TPPP: variants seen among roughly 807,000 people sequenced by gnomAD.
TPPP encodes tubulin polymerization-promoting protein.
Under a neutral mutation model 15.5 loss-of-function variants are expected in TPPP, and 6 were observed. The observed-to-expected ratio is 0.39, with a 90% confidence interval of 0.21 to 0.77. The LOEUF (loss-of-function observed/expected upper bound fraction) is 0.77. Among genes scored for constraint, TPPP ranks in the 30% least tolerant of loss-of-function variants. The probability of loss-of-function intolerance (pLI) is 0.42; values close to 1 mark genes in which losing one functional copy is unlikely to be tolerated. For synonymous variants in TPPP, 146 were observed against 133.9 expected, an observed-to-expected ratio of 1.09 and a Z score of -0.63; for missense variants, 269 against 307.2, an observed-to-expected ratio of 0.88 and a Z score of 0.93.
At position 665,082 on chromosome 5, in the gene TPPP, C is replaced by T. The variant is rs752597482; in HGVS notation, c.*20G>A. The T allele has an allele frequency of 2.1e-5, 34 of 1,601,990 alleles. No homozygotes were observed. Among genetic ancestry groups the T allele is most frequent in the African/African-American group, 6.7e-5 (5 of 74,838 alleles). On this transcript the variant is annotated 3_prime_UTR_variant, in exon 4 of 4. Coordinates refer to ENST00000360578, the MANE Select transcript of TPPP (RefSeq NM_007030.3). The stretch of plus-strand genomic sequence containing the variant: ...CCTGCTCTGGGGACACCGGCAGTGC[C>T]GCGAGGCATGGAGCGGGGGCTACTT...
intron 1 of TPPP, among the ~76,000 whole-genome samples, chr5:683,262 C>T (rs1039067137): frequency 6.7e-4 from 97 of 143,708 alleles, no homozygotes; most frequent in African/African-American, 2.4e-3. Flanking sequence ...GCAGGCACAG[C>T]CCGAGGGAGA....
intron 1 of TPPP, chr5:692,499 C>A (rs1173265276): frequency 4.7e-6 from 4 of 859,926 alleles, no homozygotes; most frequent in Non-Finnish European, 5.5e-6. Context: ...AGACAACAGC[C>A]CCCCCAAAAC....
chr5:675,157 AGTGTGGCTG>A (rs1561086840), intron 2 of TPPP, among the ~76,000 whole-genome samples: 24 of 120,130 alleles, frequency 2.0e-4, no homozygotes, highest in South Asian at 2.9e-4. Flanking sequence ...CCAGGGGTGC[AGTGTGGCTG>A]AGAATGCAAC....
chr5:675,759 T>C (rs908440144), intron 2 of TPPP: 1 of 152,726 alleles, frequency 6.5e-6, no homozygotes, highest in Admixed American at 6.5e-5. Context: ...TGAGTGGTCC[T>C]GGGTTAGTGT....
At chr5:697,769 A>C (rs1344820438), upstream of TPPP, among the ~76,000 whole-genome samples, 2 of 151,446 alleles carry the variant, frequency 1.3e-5, no homozygotes, top group African/African-American at 2.4e-5. Context: ...ATGAAGAACT[A>C]ATACCAATCC....
chr5:698,190 G>A (rs630529), upstream of TPPP, among the ~76,000 whole-genome samples: 147,319 of 151,450 alleles, frequency 0.97, 71,758 homozygotes, highest in Non-Finnish European at 1. Context: ...TCATATGACA[G>A]ATCCACAGCC....
In TPPP at chr5:687,032, A is replaced by G. The variant is rs555880893; in HGVS notation, c.-5+6246T>C. Among the ~76,000 whole-genome samples, 69 of 132,934 alleles carry G rather than the reference A, an allele frequency of 5.2e-4. 4 individuals carry two copies. Among genetic ancestry groups the G allele is most frequent in the Middle Eastern group, 3.8e-3 (1 of 264 alleles). The allele number at this position is 132,934 out of a possible 152,430, so 87.2% of individuals were successfully genotyped here. On this transcript the variant is annotated intron_variant, in intron 1 of 3. Transcript: ENST00000360578. ...TGAACATATCATTTCATAAATTACCATGCCTGGTGCTGTTACAGCAACACA... is the reference window on the plus strand; with the variant it reads ...TGAACATATCATTTCATAAATTACCGTGCCTGGTGCTGTTACAGCAACACA...
At chr5:688,870 C>T (rs1280085356) in intron 1 of TPPP, among the ~76,000 whole-genome samples, 1 of 122,430 alleles carries the variant, frequency 8.2e-6, no homozygotes, top group African/African-American at 2.7e-5. Flanking sequence ...CCACGGTGGC[C>T]AGGTCACCTG....
intron 1 of TPPP, among the ~76,000 whole-genome samples, chr5:686,341 C>T: frequency 6.6e-6 from 1 of 152,234 alleles, no homozygotes; most frequent in East Asian, 1.9e-4. Context: ...AGCCGGGGCT[C>T]TCAAGGGAGG....
At chr5:677,053 G>A (rs573863962) in intron 2 of TPPP, among the ~76,000 whole-genome samples, 39 of 149,902 alleles carry the variant, frequency 2.6e-4, no homozygotes, top group African/African-American at 7.8e-4. Flanking sequence ...ACGCACACAC[G>A]TGCACACAGA....
At chr5:696,884 C>G (rs118141460), upstream of TPPP, among the ~76,000 whole-genome samples, 2 of 92,056 alleles carry the variant, frequency 2.2e-5, no homozygotes. Context: ...TTGTGTGTCT[C>G]TGTGTGTATG....
intron 2 of TPPP, among the ~76,000 whole-genome samples, chr5:673,891 C>T (rs1038585620): frequency 3.9e-5 from 6 of 152,246 alleles, no homozygotes; most frequent in Non-Finnish European, 2.9e-5. Context: ...AAATGAGCCA[C>T]AGCCACCCAG....
chr5:675,558 A>T (rs1485064147), intron 2 of TPPP, among the ~76,000 whole-genome samples: 5 of 55,732 alleles, frequency 9.0e-5, no homozygotes, highest in Non-Finnish European at 1.5e-4. Context: ...CCGGGGGTGC[A>T]GTGTGGCTGG....
At chr5:667,736 A>C (rs919804308) in intron 2 of TPPP, among the ~76,000 whole-genome samples, 24 of 152,248 alleles carry the variant, frequency 1.6e-4, no homozygotes, top group Non-Finnish European at 3.5e-4. Context: ...CGGGCAGAAT[A>C]TTTGAAGCAG....
chr5:693,996 T>C (rs71585302), upstream of TPPP, among the ~76,000 whole-genome samples: 83,888 of 132,560 alleles, frequency 0.63, 23,708 homozygotes, highest in Non-Finnish European at 0.7. Flanking sequence ...GCGCAGCTGC[T>C]CGGGAGTGGG....
intron 2 of TPPP, among the ~76,000 whole-genome samples, chr5:670,462 G>A (rs962914654): frequency 7.9e-5 from 12 of 152,230 alleles, no homozygotes; most frequent in African/African-American, 2.6e-4. Flanking sequence ...CTGAGAGAGA[G>A]GGGCTGCGGC....
intron 2 of TPPP, among the ~76,000 whole-genome samples, chr5:673,603 G>A (rs548968956): frequency 3.3e-5 from 5 of 152,288 alleles, no homozygotes; most frequent in Admixed American, 6.5e-5. Flanking sequence ...GCCCAGGACC[G>A]GGTCTCAGCC....
chr5:698,713 C>T, the TPPP span, among the ~76,000 whole-genome samples: 7 of 151,930 alleles, frequency 4.6e-5, no homozygotes, highest in East Asian at 3.9e-4. Flanking sequence ...CCACAACACA[C>T]GGGAATTATG....
chr5:678,015 G>A lies in TPPP; in HGVS notation c.46C>T (p.Pro16Ser), dbSNP rs1441579544. ...KPAKAANRTP[P>S]KSPGDPSKDR... ...TTCGAGGGGTCCCCCGGGGACTTGG[G>A]GGGCGTCCTGTTGGCAGCTTTGGCA... The change falls in exon 2 of 4, where the codon CCC becomes TCC. Residue 16 changes from proline (P) to serine (S), a missense_variant. Physicochemically the swap from Pro to Ser is moderately conservative, Grantham distance 74. Transcript: ENST00000360578. 7 of 1,599,942 alleles carry A rather than the reference G, an allele frequency of 4.4e-6. No homozygotes were observed. Among genetic ancestry groups the A allele is most frequent in the Admixed American group, 1.7e-5 (1 of 58,040 alleles).
Sources: gnomAD v4.1 joint callset for allele counts (sites outside exome capture counted in the v4.1 genomes callset) on GRCh38, gnomAD v4.1.1 for gene constraint, MANE v1.5 for transcripts, NCBI Gene and HGNC (gene_info 2026-07-23, HGNC 2026-07-21) for gene names.